RGL1: variants seen among roughly 807,000 people sequenced by gnomAD.
The protein encoded by RGL1 is ral guanine nucleotide dissociation stimulator like 1.
A neutral mutation model predicts 95.2 loss-of-function variants in RGL1; 24 were observed. The observed-to-expected ratio is 0.25, with a 90% CI of 0.18 to 0.35. The LOEUF is 0.35. RGL1 is among the 10% of genes least tolerant of loss of function. The pLI, the probability that RGL1 is intolerant of heterozygous loss-of-function variation, is 1.00. For missense variants in RGL1, 715 were observed against 936.3 expected, an observed-to-expected ratio of 0.76 and a Z score of 3.08; for synonymous variants, 329 against 344.9, an observed-to-expected ratio of 0.95 and a Z score of 0.51.
intron 1 of RGL1, among the ~76,000 whole-genome samples, chr1:183,657,932 C>G (rs554519068): frequency 2.1e-4 from 32 of 152,340 alleles, no homozygotes; most frequent in Non-Finnish European, 3.7e-4. Flanking sequence ...TTCAATTTCT[C>G]CACATCCTCT....
intron 1 of RGL1, among the ~76,000 whole-genome samples, chr1:183,680,353 T>C (rs1653127145): frequency 6.6e-6 from 1 of 152,208 alleles, no homozygotes; most frequent in Non-Finnish European, 1.5e-5. Flanking sequence ...TTTTAGGTCT[T>C]ATGTTGAAGT....
chr1:183,855,747 G>A (rs1665100505), intron 3 of RGL1, among the ~76,000 whole-genome samples: 1 of 152,198 alleles, frequency 6.6e-6, no homozygotes, highest in African/African-American at 2.4e-5. Flanking sequence ...TAACTCACCT[G>A]TAGGTGCTGG....
Position 183,770,978 on chromosome 1 carries a change from G to GT in RGL1, c.132+28690dup, listed in dbSNP as rs1338345732. Among the ~76,000 whole-genome samples, 11 of 152,300 alleles carry GT rather than the reference G, an allele frequency of 7.2e-5. No individual in the cohort carries two copies. In the East Asian group the frequency reaches 2.1e-3, roughly 29 times the overall value. On this transcript the variant is annotated intron_variant, in intron 2 of 18. Coordinates refer to the RGL1 transcript ENST00000304685. ...GTGGATGAGGTGGTACCATACTGCA[G>GT]TAAGCATTGTGCTTCTCAGAGGAAG...
chr1:183,798,429 A>G (rs780871992), intron 2 of RGL1, among the ~76,000 whole-genome samples: 8 of 152,158 alleles, frequency 5.3e-5, no homozygotes, highest in Non-Finnish European at 1.2e-4. Context: ...GGGGATAAGT[A>G]TATTCCCATG....
At chr1:183,651,372 C>A (rs1192585475) in intron 1 of RGL1, among the ~76,000 whole-genome samples, 2 of 152,128 alleles carry the variant, frequency 1.3e-5, no homozygotes, top group Non-Finnish European at 2.9e-5. Context: ...AATACTTGTG[C>A]TAATAAATAA....
chr1:183,730,472 C>T (rs1656567644), intron 1 of RGL1, among the ~76,000 whole-genome samples: 1 of 152,114 alleles, frequency 6.6e-6, no homozygotes, highest in South Asian at 2.1e-4. Context: ...CTCAGTGGCT[C>T]AGACTAAAGC....
At chr1:183,906,706 T>C (rs1668349093) in intron 13 of RGL1, among the ~76,000 whole-genome samples, 1 of 152,148 alleles carries the variant, frequency 6.6e-6, no homozygotes, top group South Asian at 2.1e-4. Flanking sequence ...GGGATGAGAA[T>C]GATCAGAATG....
intron 2 of RGL1, among the ~76,000 whole-genome samples, chr1:183,775,668 A>G (rs990335484): frequency 2.0e-5 from 3 of 152,234 alleles, no homozygotes; most frequent in Non-Finnish European, 2.9e-5. Flanking sequence ...TTTCATCTAT[A>G]AAATGTGTAT....
At chr1:183,805,893 G>A (rs1032730174) in intron 1 of RGL1, among the ~76,000 whole-genome samples, 1 of 145,486 alleles carries the variant, frequency 6.9e-6, no homozygotes, top group Non-Finnish European at 1.5e-5. Flanking sequence ...TTAAAATCTG[G>A]TTTCTTCAAT....
intron 3 of RGL1, among the ~76,000 whole-genome samples, chr1:183,850,938 C>T (rs1034842304): frequency 1.3e-5 from 2 of 152,266 alleles, no homozygotes; most frequent in Admixed American, 6.5e-5. Flanking sequence ...TAAAGGAGTG[C>T]ACGTAAATTC....
intron 2 of RGL1, among the ~76,000 whole-genome samples, chr1:183,782,766 G>A (rs1659970023): frequency 6.6e-6 from 1 of 152,178 alleles, no homozygotes; most frequent in African/African-American, 2.4e-5. Context: ...TTCCTAAGAG[G>A]AAAGCTGGAA....
chr1:183,643,589 C>T (rs1650089429), intron 1 of RGL1, among the ~76,000 whole-genome samples: 1 of 152,096 alleles, frequency 6.6e-6, no homozygotes. Flanking sequence ...CCGCGCCCGG[C>T]CCGAGGTCCT....
At chr1:183,801,384 T>C (rs1044402739), upstream of RGL1, among the ~76,000 whole-genome samples, 2 of 152,182 alleles carry the variant, frequency 1.3e-5, no homozygotes, top group African/African-American at 2.4e-5. Flanking sequence ...TCTTAAAATA[T>C]TGTGGGTATT....
intron 2 of RGL1, among the ~76,000 whole-genome samples, chr1:183,752,082 A>G (rs556691375): frequency 9.5e-4 from 145 of 152,236 alleles, no homozygotes; most frequent in African/African-American, 3.4e-3. Context: ...TATTAGATGA[A>G]TTTTGAGTTG....
At chr1:183,898,586 T>C (rs1667838271) in intron 10 of RGL1, among the ~76,000 whole-genome samples, 1 of 152,234 alleles carries the variant, frequency 6.6e-6, no homozygotes, top group African/African-American at 2.4e-5. Flanking sequence ...GTTTTCTCTT[T>C]CTTTGGAAAG....
chr1:183,834,689 G>C (rs1463271813), intron 2 of RGL1, among the ~76,000 whole-genome samples: 1 of 151,752 alleles, frequency 6.6e-6, no homozygotes, highest in African/African-American at 2.4e-5. Flanking sequence ...TTTTTATTTT[G>C]TATTTTTTTT....
chr1:183,689,293 T>C (rs935662068), intron 1 of RGL1, among the ~76,000 whole-genome samples: 1 of 152,198 alleles, frequency 6.6e-6, no homozygotes, highest in African/African-American at 2.4e-5. Context: ...GTGAACTGAA[T>C]TGGCCTTACT....
At chr1:183,826,731 G>GA (rs1165686149) in intron 2 of RGL1, among the ~76,000 whole-genome samples, 1 of 152,134 alleles carries the variant, frequency 6.6e-6, no homozygotes, top group East Asian at 1.9e-4. Flanking sequence ...AGGTTAAACT[G>GA]TGCTCCGGAT....
chr1:183,652,002 A>C (rs1650792399), intron 1 of RGL1, among the ~76,000 whole-genome samples: 1 of 152,212 alleles, frequency 6.6e-6, no homozygotes, highest in South Asian at 2.1e-4. Context: ...TACACCGGAC[A>C]TCCAGGTTAC....
Sources: gnomAD v4.1 joint callset for allele counts (sites outside exome capture counted in the v4.1 genomes callset) on GRCh38, gnomAD v4.1.1 for gene constraint, MANE v1.5 for transcripts, NCBI Gene and HGNC (gene_info 2026-07-23, HGNC 2026-07-21) for gene names.